The following PRKN variants were observed in gnomAD, a reference collection of about 807,000 sequenced individuals.
The protein encoded by PRKN is parkin RBR E3 ubiquitin protein ligase.
In PRKN, 56 loss-of-function variants were observed where a neutral mutation model predicts 59.5. That is an observed-to-expected ratio of 0.94 (90% CI 0.76 to 1.18). The LOEUF (loss-of-function observed/expected upper bound fraction) is 1.18, where lower values mean the gene tolerates loss of function less well. Among genes scored for constraint, PRKN ranks in the 50% most tolerant of loss-of-function variants. The probability of loss-of-function intolerance (pLI) is 0.00; values close to 1 mark genes in which losing one functional copy is unlikely to be tolerated. For missense variants in PRKN, 657 were observed against 596.4 expected (o/e 1.10, Z -1.06); for synonymous variants, 250 against 222.1 (o/e 1.13, Z -1.12).
chr6:161,350,275 C>G (rs1012400450), intron 11 of PRKN, 64 bp from the exon 12 acceptor site: 17 of 1,074,050 alleles, frequency 1.6e-5, no homozygotes, highest in Non-Finnish European at 2.4e-5. Flanking sequence ...ACACGCATTC[C>G]CAAACCAGCA....
chr6:161,902,523 C>CGTCTATCTATCTATCTATCTATCT (rs1777956529), intron 6 of PRKN, among the ~76,000 whole-genome samples: 1 of 113,794 alleles, frequency 8.8e-6, no homozygotes, highest in Non-Finnish European at 1.8e-5. Context: ...AATAGACATC[C>CGTCTATCTATCTATCTATCTATCT]GTCTATCTAT....
chr6:161,913,135 C>T (rs1231986920), intron 6 of PRKN, among the ~76,000 whole-genome samples: 1 of 148,298 alleles, frequency 6.7e-6, no homozygotes, highest in East Asian at 2.0e-4. Flanking sequence ...CCACTGCACT[C>T]CAGCCTGGGC....
intron 9 of PRKN, among the ~76,000 whole-genome samples, chr6:161,476,537 T>A (rs1021309857): frequency 6.6e-6 from 1 of 152,230 alleles, no homozygotes; most frequent in African/African-American, 2.4e-5. Flanking sequence ...CAACTCACTT[T>A]CAAAAACATT....
chr6:161,572,036 G>T (rs1414667975), intron 7 of PRKN, among the ~76,000 whole-genome samples: 2 of 152,144 alleles, frequency 1.3e-5, no homozygotes, highest in African/African-American at 4.8e-5. Context: ...TGGTTTTCCA[G>T]CTTGCAGATG....
intron 4 of PRKN, among the ~76,000 whole-genome samples, chr6:162,171,775 A>C (rs10945799): frequency 0.28 from 42,157 of 151,980 alleles, 6,410 homozygotes; most frequent in Middle Eastern, 0.38. Flanking sequence ...CTATTGCTAC[A>C]TTACATGGTG....
Position 161,414,391 on chromosome 6 carries a change from A to G in PRKN, c.1084-27514T>C, listed in dbSNP as rs1251124300. The stretch of plus-strand genomic sequence containing the variant: ...TTTAGATGCACCCGAGGCCCCAGGC[A>G]AAGGTTTCTGCCTGAGACAGTCCTT... On this transcript the variant is annotated intron_variant, in intron 9 of 11. Coordinates refer to ENST00000366898, the MANE Select transcript of PRKN (RefSeq NM_004562.3). This position sits in a 1 kb window ranked among gnomAD's most constrained non-coding sequence, Gnocchi z 5.3. Among the ~76,000 whole-genome samples, 1 of 152,182 alleles carries G rather than the reference A, an allele frequency of 6.6e-6. No individual in the cohort carries two copies. The highest frequency in any genetic ancestry group is 1.5e-5 in the Non-Finnish European group (1 of 68,034).
chr6:161,733,803 T>A (rs1349649895), intron 7 of PRKN, among the ~76,000 whole-genome samples: 4 of 119,000 alleles, frequency 3.4e-5, no homozygotes, highest in Non-Finnish European at 6.3e-5. Flanking sequence ...TATATGTATA[T>A]ATATATATAT....
At chr6:162,382,850 C>T (rs778145752) in intron 2 of PRKN, among the ~76,000 whole-genome samples, 3 of 152,190 alleles carry the variant, frequency 2.0e-5, no homozygotes, top group Non-Finnish European at 2.9e-5. Context: ...CTAAGTTATG[C>T]AGTATCTAAA....
intron 6 of PRKN, among the ~76,000 whole-genome samples, chr6:161,918,253 A>C (rs1778649367): frequency 6.6e-6 from 1 of 152,174 alleles, no homozygotes; most frequent in Non-Finnish European, 1.5e-5. Context: ...GAACATCGTC[A>C]TTGCTTCAAT....
At chr6:162,485,971 T>C (rs932889162) in intron 1 of PRKN, among the ~76,000 whole-genome samples, 3 of 152,334 alleles carry the variant, frequency 2.0e-5, no homozygotes, top group South Asian at 2.1e-4. Flanking sequence ...GGCTATTAAG[T>C]TGCATTCACA....
intron 9 of PRKN, among the ~76,000 whole-genome samples, chr6:161,469,390 C>G (rs541154163): frequency 2.0e-5 from 3 of 152,310 alleles, no homozygotes; most frequent in South Asian, 2.1e-4. Context: ...AATTAAACCT[C>G]TTTTCTTTAT....
chr6:161,609,723 A>T (rs1214239250), intron 7 of PRKN, among the ~76,000 whole-genome samples: 1 of 152,192 alleles, frequency 6.6e-6, no homozygotes, highest in Non-Finnish European at 1.5e-5. Flanking sequence ...GCAAGTGAAG[A>T]TCTACTAACA....
intron 1 of PRKN, among the ~76,000 whole-genome samples, chr6:162,517,340 C>T (rs540415525): frequency 4.0e-5 from 6 of 151,188 alleles, no homozygotes; most frequent in Non-Finnish European, 8.8e-5. Context: ...GTCTGTCTCC[C>T]GGGTTCAAGC....
At chr6:162,669,246 A>G (rs528033176) in intron 1 of PRKN, among the ~76,000 whole-genome samples, 1 of 152,166 alleles carries the variant, frequency 6.6e-6, no homozygotes, top group East Asian at 1.9e-4. Context: ...TAAAGGAAAC[A>G]TGTTCTTATG....
intron 8 of PRKN, among the ~76,000 whole-genome samples, chr6:161,564,396 C>A (rs1217964198): frequency 2.0e-5 from 3 of 152,196 alleles, no homozygotes; most frequent in Admixed American, 1.3e-4. Flanking sequence ...ACCACATATT[C>A]CAGCTGCCCC....
chr6:162,403,572 C>A (rs1050856891), intron 2 of PRKN, among the ~76,000 whole-genome samples: 1 of 152,122 alleles, frequency 6.6e-6, no homozygotes, highest in African/African-American at 2.4e-5. Flanking sequence ...TGATTCCTTT[C>A]CATTGTGTGA....
At chr6:162,216,708 C>T (rs1031144950) in intron 3 of PRKN, among the ~76,000 whole-genome samples, 37 of 152,052 alleles carry the variant, frequency 2.4e-4, no homozygotes, top group Non-Finnish European at 1.5e-4. Context: ...TAAAGCCACA[C>T]GGCCACACAG....
chr6:161,736,967 C>T (rs1220228479), intron 7 of PRKN, among the ~76,000 whole-genome samples: 1 of 152,160 alleles, frequency 6.6e-6, no homozygotes, highest in African/African-American at 2.4e-5. Flanking sequence ...AGTCGGAGCT[C>T]ACAGTCTGAC....
At chr6:161,758,418 C>T (rs1341697779) in intron 7 of PRKN, among the ~76,000 whole-genome samples, 1 of 151,992 alleles carries the variant, frequency 6.6e-6, no homozygotes, top group African/African-American at 2.4e-5. Flanking sequence ...TTTTCTTATA[C>T]ACAACAATGA....
Sources: gnomAD v4.1 joint callset for allele counts (sites outside exome capture counted in the v4.1 genomes callset) on GRCh38, gnomAD v4.1.1 for gene constraint, Gnocchi (gnomAD v3.1) non-coding constraint, MANE v1.5 for transcripts, NCBI Gene and HGNC (gene_info 2026-07-23, HGNC 2026-07-21) for gene names.